The following KCNMA1 variants were observed in gnomAD, a reference collection of about 807,000 sequenced individuals.
KCNMA1 encodes the protein potassium calcium-activated channel subfamily M alpha 1, also known as Calcium-activated potassium channel subunit alpha-1.
Under a neutral mutation model 140.0 loss-of-function variants are expected in KCNMA1, and 29 were observed. The observed-to-expected ratio is 0.21, with a 90% CI of 0.15 to 0.28. The LOEUF (loss-of-function observed/expected upper bound fraction) is 0.28, where lower values mean the gene tolerates loss of function less well. KCNMA1 is among the 10% of genes least tolerant of loss of function. The probability of loss-of-function intolerance (pLI) is 1.00; values close to 1 mark genes in which losing one functional copy is unlikely to be tolerated. For synonymous variants in KCNMA1, 612 were observed against 611.9 expected (o/e 1.00, Z 0.00); for missense variants, 880 against 1,602.2 (o/e 0.55, Z 7.70).
In KCNMA1 at chr10:76,949,379, G is replaced by T; in HGVS notation, c.2485-13C>A. On this transcript the variant is annotated splice_polypyrimidine_tract_variant and intron_variant, in intron 21 of 27. Coordinates refer to ENST00000286628, the MANE Select transcript of KCNMA1 (RefSeq NM_001161352.2). The stretch of plus-strand genomic sequence containing the variant: ...CTTCACTTCGAGTCTACAACAGGGA[G>T]AAGTGGGTAAGAGTCAGAGAGAAGA... The T allele has an allele frequency of 1.9e-6, 3 of 1,607,714 alleles. No individual in the cohort carries two copies. The highest frequency in any genetic ancestry group is 2.6e-6 in the Non-Finnish European group (3 of 1,174,886).
At chr10:76,973,230 A>G (rs147035537) in intron 19 of KCNMA1, 1 of 152,382 alleles carries the variant, frequency 6.6e-6, no homozygotes, top group Non-Finnish European at 1.5e-5. Flanking sequence ...TGACTTCTTT[A>G]GAACACAAAC....
chr10:77,389,585 T>A (rs2095739849), intron 2 of KCNMA1, among the ~76,000 whole-genome samples: 1 of 152,168 alleles, frequency 6.6e-6, no homozygotes, highest in Admixed American at 6.5e-5. Context: ...GTCACCACGT[T>A]TGATACCAAC....
intron 19 of KCNMA1, among the ~76,000 whole-genome samples, chr10:77,001,139 GGA>G (rs1394815586): frequency 6.6e-6 from 1 of 151,956 alleles, no homozygotes; most frequent in Non-Finnish European, 1.5e-5. Context: ...TTTATTTAAA[GGA>G]GAGAGAGGAA....
At chr10:77,005,778 A>G (rs772158543) in intron 18 of KCNMA1, among the ~76,000 whole-genome samples, 40 of 152,242 alleles carry the variant, frequency 2.6e-4, no homozygotes, top group Non-Finnish European at 5.3e-4. Context: ...CATTTCCATC[A>G]TAACTTCATA....
At chr10:77,094,990 G>A (rs899772143) in intron 9 of KCNMA1, among the ~76,000 whole-genome samples, 6 of 152,098 alleles carry the variant, frequency 3.9e-5, no homozygotes, top group Non-Finnish European at 7.4e-5. Flanking sequence ...ATGAGCCACC[G>A]CGCCCTACCC....
At chr10:77,273,486 T>A (rs2065758906) in intron 2 of KCNMA1, among the ~76,000 whole-genome samples, 1 of 152,198 alleles carries the variant, frequency 6.6e-6, no homozygotes, top group Admixed American at 6.5e-5. Flanking sequence ...CATCTATTCC[T>A]AGAGAAACAC....
At chr10:77,194,634 T>C (rs896110892) in intron 3 of KCNMA1, among the ~76,000 whole-genome samples, 1 of 152,046 alleles carries the variant, frequency 6.6e-6, no homozygotes, top group Non-Finnish European at 1.5e-5. Flanking sequence ...CTGAGACGTA[T>C]CTCTTTCTTA....
At chr10:77,308,215 C>A in intron 2 of KCNMA1, among the ~76,000 whole-genome samples, 1 of 152,094 alleles carries the variant, frequency 6.6e-6, no homozygotes, top group Non-Finnish European at 1.5e-5. Context: ...TAGAGTTGCC[C>A]TTGAGTCCTA....
At chr10:77,180,536 A>C (rs1012096705) in intron 5 of KCNMA1, among the ~76,000 whole-genome samples, 1 of 152,152 alleles carries the variant, frequency 6.6e-6, no homozygotes, top group Non-Finnish European at 1.5e-5. Flanking sequence ...CATATCCCAA[A>C]AGGTTATTGT....
At chr10:77,154,065 G>A (rs2154064026) in intron 5 of KCNMA1, among the ~76,000 whole-genome samples, 1 of 152,218 alleles carries the variant, frequency 6.6e-6, no homozygotes, top group East Asian at 1.9e-4. Flanking sequence ...TGGATCACGG[G>A]GGCGGTTTCC....
intron 5 of KCNMA1, among the ~76,000 whole-genome samples, chr10:77,142,295 T>C (rs1926698): frequency 0.4 from 59,750 of 150,170 alleles, 12,992 homozygotes; most frequent in East Asian, 0.88. Context: ...GGCATGAACC[T>C]GGGAGGTGGA....
At chr10:77,591,765 C>G (rs897425887) in intron 1 of KCNMA1, among the ~76,000 whole-genome samples, 3 of 152,216 alleles carry the variant, frequency 2.0e-5, no homozygotes, top group African/African-American at 7.2e-5. Context: ...ATCAATCCCC[C>G]ACCTTGCCCA....
intron 2 of KCNMA1, among the ~76,000 whole-genome samples, chr10:77,300,977 T>G (rs1255051809): frequency 6.6e-6 from 1 of 152,158 alleles, no homozygotes; most frequent in East Asian, 1.9e-4. Context: ...GCATCAGCAT[T>G]TTTAAAAGCT....
intron 2 of KCNMA1, among the ~76,000 whole-genome samples, chr10:77,274,247 G>T (rs2065991317): frequency 6.6e-6 from 1 of 152,056 alleles, no homozygotes; most frequent in African/African-American, 2.4e-5. Context: ...TAACCCACAG[G>T]CAGAATTAGT....
chr10:77,435,840 G>A (rs1394768302), intron 1 of KCNMA1, among the ~76,000 whole-genome samples: 1 of 152,208 alleles, frequency 6.6e-6, no homozygotes, highest in Non-Finnish European at 1.5e-5. Flanking sequence ...CAGAAAAGCA[G>A]AGAGAGAGGA....
At position 77,599,299 on chromosome 10, in the gene KCNMA1, T is replaced by C. The variant is rs139387985; in HGVS notation, c.378+37966A>G. 4.9e-3 allele frequency among the ~76,000 whole-genome samples: 754 copies of C among 152,374 alleles called. 4 individuals are homozygous for C. The highest frequency in any genetic ancestry group is 8.2e-3 in the Non-Finnish European group (556 of 68,038). On this transcript the variant is annotated intron_variant, in intron 1 of 27. Coordinates refer to ENST00000286628, the MANE Select transcript of KCNMA1 (RefSeq NM_001161352.2). ...TCAAAAATGCATTTAATATGCATTT[T>C]AATATCTGACCTTTGGCCACCTGGC...
chr10:76,991,068 G>A (rs983121964), intron 19 of KCNMA1, among the ~76,000 whole-genome samples: 4 of 152,188 alleles, frequency 2.6e-5, no homozygotes, highest in Non-Finnish European at 5.9e-5. Context: ...AAAAGGCCTC[G>A]AATGTTGCTC....
chr10:77,363,460 G>C (rs1397416713), intron 2 of KCNMA1, among the ~76,000 whole-genome samples: 1 of 152,210 alleles, frequency 6.6e-6, no homozygotes, highest in African/African-American at 2.4e-5. Context: ...GAGTGCATAA[G>C]CTCTTCCCAT....
chr10:76,963,309 C>T (rs1328357999), intron 20 of KCNMA1, among the ~76,000 whole-genome samples: 1 of 152,216 alleles, frequency 6.6e-6, no homozygotes, highest in East Asian at 1.9e-4. Context: ...ATGCAAATTT[C>T]CAATCCCCAG....
Sources: allele counts gnomAD v4.1 joint callset (sites outside exome capture counted in the v4.1 genomes callset), GRCh38; gene constraint gnomAD v4.1.1; transcripts MANE v1.5; gene names NCBI Gene and HGNC (gene_info 2026-07-23, HGNC 2026-07-21).